PCDHGB1: variants seen among roughly 807,000 people sequenced by gnomAD.
The protein encoded by PCDHGB1 is protocadherin gamma-B1.
Under a neutral mutation model 56.6 loss-of-function variants are expected in PCDHGB1, and 34 were observed. The ratio of observed to expected loss-of-function variants is 0.60; its 90% CI spans 0.46 to 0.80. The LOEUF is 0.80. Ranked by LOEUF, PCDHGB1 falls within the 30% of genes least tolerant of loss-of-function variation. PCDHGB1 has a pLI of 0.00. For synonymous variants in PCDHGB1, 561 were observed against 505.9 expected (o/e 1.11, Z -1.46); for missense variants, 1,278 against 1,204.6 (o/e 1.06, Z -0.90).
At chr5:141,499,007 AG>A (rs2099788320) in intron 2 of PCDHGB1, among the ~76,000 whole-genome samples, 1 of 151,128 alleles carries the variant, frequency 6.6e-6, no homozygotes, top group Non-Finnish European at 1.5e-5. Flanking sequence ...GAAGGAAGGA[AG>A]GAAGGAAGGA....
chr5:141,413,690 A>T lies in PCDHGB1; in HGVS notation c.2409+61021A>T, dbSNP rs553462819. On this transcript the variant is annotated intron_variant, in intron 1 of 3. Transcript: ENST00000523390. ...CCGGATGTGGGCGTGAACTCCCTGC[A>T]GAGCTATCAGCTCAGCCCCAATAAG... 9.9e-6 allele frequency: 16 copies of T among 1,613,702 alleles called. No individual in the cohort carries two copies. The East Asian group carries it at 2.9e-4, about 29-fold the overall frequency.
intron 1 of PCDHGB1, among the ~76,000 whole-genome samples, chr5:141,438,587 C>CAT (rs1372372472): frequency 1.4e-4 from 10 of 73,396 alleles, no homozygotes; most frequent in East Asian, 3.8e-4. Context: ...TACATACATA[C>CAT]ATACATATAT....
chr5:141,502,373 C>A (rs2099813965), intron 2 of PCDHGB1, among the ~76,000 whole-genome samples: 1 of 151,806 alleles, frequency 6.6e-6, no homozygotes, highest in African/African-American at 2.4e-5. Context: ...TTAAAGAGTC[C>A]AGGCCAGTTG....
rs368155258 is a variant in PCDHGB1 at position 141,394,236 on chromosome 5, A to T, written c.2409+41567A>T. 3.1e-5 allele frequency: 50 copies of T among 1,613,818 alleles called. No individual in the cohort carries two copies. The highest frequency in any genetic ancestry group is 3.9e-5 in the Non-Finnish European group (46 of 1,179,848). On this transcript the variant is annotated intron_variant, in intron 1 of 3. Transcript: ENST00000523390. ...GAGAGGAGCCTCCATCTTTTCCTTG[A>T]CTGCACACGACCCCGACAGCCAGGA...
intron 1 of PCDHGB1, among the ~76,000 whole-genome samples, chr5:141,354,452 G>T (rs1759546066): frequency 6.6e-6 from 1 of 152,160 alleles, no homozygotes; most frequent in Non-Finnish European, 1.5e-5. Flanking sequence ...TATCCTATTT[G>T]TCAATCTCAT....
chr5:141,374,400 T>A (rs1389485133), intron 1 of PCDHGB1: 2 of 1,613,908 alleles, frequency 1.2e-6, no homozygotes, highest in Non-Finnish European at 1.7e-6. Flanking sequence ...CTGGTGAGTT[T>A]TAACATCCTT....
chr5:141,487,810 C>G lies in PCDHGB1; in HGVS notation c.2410-6997C>G, dbSNP rs377060474. ...ATTAACCAGAGTTGTCACAGTTTAGCATTGGGGGCGGGTCATGCCTATATC... is the reference window on the plus strand; with the variant it reads ...ATTAACCAGAGTTGTCACAGTTTAGGATTGGGGGCGGGTCATGCCTATATC... On this transcript the variant is annotated intron_variant, in intron 1 of 3. Coordinates refer to ENST00000523390, the MANE Select transcript of PCDHGB1 (RefSeq NM_018922.3). The surrounding 1 kb of genome is among the most constrained non-coding windows in gnomAD (Gnocchi z 5.0). 7.1e-7 allele frequency: 1 copy of G among 1,417,854 alleles called. No homozygotes were observed. The highest frequency in any genetic ancestry group is 2.1e-5 in the Admixed American group (1 of 47,076). The allele number at this position is 1,417,854 out of a possible 1,614,324, so 87.8% of individuals were successfully genotyped here.
chr5:141,369,396 G>A (rs1561544018), intron 1 of PCDHGB1, among the ~76,000 whole-genome samples: 1 of 152,160 alleles, frequency 6.6e-6, no homozygotes, highest in East Asian at 1.9e-4. Context: ...TTGGGCCAGG[G>A]TGGTTCATGA....
In PCDHGB1 at chr5:141,477,211, C is replaced by T. The variant is rs1282763530; in HGVS notation, c.2410-17596C>T. On this transcript the variant is annotated intron_variant, in intron 1 of 3. Coordinates refer to ENST00000523390, the MANE Select transcript of PCDHGB1 (RefSeq NM_018922.3). The surrounding 1 kb of genome is among the most constrained non-coding windows in gnomAD (Gnocchi z 4.9). ...TGTACAGCCCAGTACCCGAGGATGC[C>T]CCTCTGGGGACTGTCATCGCTTTGC... 2 of 1,614,154 alleles carry T rather than the reference C, an allele frequency of 1.2e-6. No individual in the cohort carries two copies. Among genetic ancestry groups the T allele is most frequent in the East Asian group, 4.5e-5 (2 of 44,870 alleles).
chr5:141,361,636 A>G (rs767493690), intron 1 of PCDHGB1: 3 of 1,613,640 alleles, frequency 1.9e-6, no homozygotes, highest in African/African-American at 1.3e-5. Context: ...GCCGCGGGAG[A>G]TTTTATCCTA....
chr5:141,352,152 G>A lies in PCDHGB1; in HGVS notation c.1892G>A (p.Arg631Lys). 1.2e-6 allele frequency: 2 copies of A among 1,612,744 alleles called. No homozygotes were observed. Among genetic ancestry groups the A allele is most frequent in the Non-Finnish European group, 8.5e-7 (1 of 1,179,504 alleles). ...CGCACAGCGCGTGCCTTGGGCGACA[G>A]GGACGCGGCCCGCCAGCGCCTGCTG... is the stretch of plus-strand genomic sequence containing the variant. ...EVRTARALGD[R>K]DAARQRLLVA... is the part of the protein sequence containing the mutation. Residue 631 changes from arginine (R) to lysine (K), a missense_variant, in exon 1 of 4, where the codon AGG becomes AAG. Arg to Lys is a conservative substitution (Grantham distance 26, BLOSUM62 2). Coordinates refer to ENST00000523390, the MANE Select transcript of PCDHGB1 (RefSeq NM_018922.3).
At chr5:141,428,147 G>T (rs771536400) in intron 1 of PCDHGB1, 1 of 1,589,612 alleles carries the variant, frequency 6.3e-7, no homozygotes, top group South Asian at 1.1e-5. Flanking sequence ...GGCTGCACAC[G>T]GGAACCTGCT....
At chr5:141,360,435 T>C in intron 1 of PCDHGB1, 1 of 1,613,990 alleles carries the variant, frequency 6.2e-7, no homozygotes, top group Non-Finnish European at 8.5e-7. Flanking sequence ...GGAAGCAGCC[T>C]CTGTGTGTTC....
rs951029522 is a variant in PCDHGB1, at chr5:141,487,944, G to A, written c.2410-6863G>A. 6.6e-6 allele frequency among the ~76,000 whole-genome samples: 1 copy of A among 152,164 alleles called. No homozygotes were observed. Among genetic ancestry groups the A allele is most frequent in the Admixed American group, 6.5e-5 (1 of 15,282 alleles). On this transcript the variant is annotated intron_variant, in intron 1 of 3. Transcript: ENST00000523390. The surrounding 1 kb of genome is among the most constrained non-coding windows in gnomAD (Gnocchi z 5.0). ...ACAGTGCACAGGGTACAGTGCACCA[G>A]GCAGTCACTTGGACAAAGGTGGCTG...
Position 141,419,681 on chromosome 5 carries a change from G to A in PCDHGB1, c.2409+67012G>A, listed in dbSNP as rs377117997. ...GCACAATGCCTGGCTGTCCTACCACGTGGTGCAGGCCAGTGAGCCCGGGCT... is the reference window on the plus strand; with the variant it reads ...GCACAATGCCTGGCTGTCCTACCACATGGTGCAGGCCAGTGAGCCCGGGCT... On this transcript the variant is annotated intron_variant, in intron 1 of 3. Coordinates refer to ENST00000523390, the MANE Select transcript of PCDHGB1 (RefSeq NM_018922.3). 76 of 1,612,904 alleles carry A rather than the reference G, an allele frequency of 4.7e-5. No homozygotes were observed. The highest frequency in any genetic ancestry group is 5.7e-5 in the Non-Finnish European group (67 of 1,179,706).
At chr5:141,387,857 G>A (rs375524405) in intron 1 of PCDHGB1, 124 of 1,594,010 alleles carry the variant, frequency 7.8e-5, no homozygotes, top group Admixed American at 2.1e-4. Context: ...TCTCCAGGCT[G>A]GTGAGCAAGC....
At chr5:141,448,263 A>G (rs2098578874) in intron 1 of PCDHGB1, among the ~76,000 whole-genome samples, 1 of 152,088 alleles carries the variant, frequency 6.6e-6, no homozygotes, top group Non-Finnish European at 1.5e-5. Flanking sequence ...ATTTTACAGT[A>G]TATATACTGT....
chr5:141,418,941 C>T, intron 1 of PCDHGB1: 1 of 1,614,034 alleles, frequency 6.2e-7, no homozygotes, highest in Non-Finnish European at 8.5e-7. Context: ...GAGGATTCCC[C>T]TCCAGGAGTG....
chr5:141,478,145 T>C (rs1252008984), intron 1 of PCDHGB1: 1 of 1,614,026 alleles, frequency 6.2e-7, no homozygotes. Context: ...CCGAGCCGAG[T>C]TCCCCTCTGG....
Sources: allele counts gnomAD v4.1 joint callset (sites outside exome capture counted in the v4.1 genomes callset), GRCh38; gene constraint gnomAD v4.1.1; non-coding constraint Gnocchi (gnomAD v3.1); transcripts MANE v1.5; gene names NCBI Gene and HGNC (gene_info 2026-07-23, HGNC 2026-07-21).